Variants in RNF115 observed in about 807,000 individuals in gnomAD.
RNF115 encodes E3 ubiquitin-protein ligase RNF115.
RNF115 carries 31 observed loss-of-function variants against 39.2 expected under a neutral mutation model. The observed-to-expected ratio is 0.79, with a 90% confidence interval of 0.59 to 1.07. RNF115 has a LOEUF of 1.07. RNF115 is among the 50% of genes least tolerant of loss of function. The probability of loss-of-function intolerance (pLI) is 0.00; values close to 1 mark genes in which losing one functional copy is unlikely to be tolerated. For synonymous variants in RNF115, 124 were observed against 131.0 expected (o/e 0.95, Z 0.37); for missense variants, 384 against 381.7 (o/e 1.01, Z -0.05).
rs1486005247 is a variant in RNF115, at chr1:145,766,914, C to T, written c.428+4797G>A. Among the ~76,000 whole-genome samples the T allele has an allele frequency of 4.3e-4, 36 of 83,188 alleles. 3 individuals carry two copies. The highest frequency in any genetic ancestry group is 1.3e-3 in the African/African-American group (27 of 20,356). 54.6% of individuals were successfully genotyped at this position (83,188 alleles called of 152,430 possible). A position where few individuals can be genotyped will look rare whatever the true frequency, so the allele number is the denominator to read the frequency against. The stretch of plus-strand genomic sequence containing the variant: ...GCAGAGGCGCCCCTCACCTCCCGGA[C>T]GGGGCGGCTGGCCGGGCGGGGGGCT... On this transcript the variant is annotated intron_variant, in intron 4 of 8. Transcript: ENST00000582693.
intron 1 of RNF115, among the ~76,000 whole-genome samples, chr1:145,795,620 T>TAG (rs1470962753): frequency 2.6e-5 from 4 of 152,110 alleles, no homozygotes; most frequent in Non-Finnish European, 2.9e-5. Flanking sequence ...TCAGCGGGCT[T>TAG]CACCTCTCAG....
chr1:145,819,613 C>T (rs1650146448), intron 1 of RNF115, among the ~76,000 whole-genome samples: 1 of 152,190 alleles, frequency 6.6e-6, no homozygotes, highest in Non-Finnish European at 1.5e-5. Context: ...TTCCATGAGG[C>T]CAGCAGCATT....
chr1:145,793,095 G>A (rs1224946695), intron 1 of RNF115, among the ~76,000 whole-genome samples: 1 of 152,230 alleles, frequency 6.6e-6, no homozygotes, highest in Admixed American at 6.5e-5. Flanking sequence ...GAGGCAGGAA[G>A]ATTGCTAGAG....
rs587660344 is a variant in RNF115 at position 145,809,286 on chromosome 1, A to C, written c.102+14486T>G. Among the ~76,000 whole-genome samples the C allele has an allele frequency of 1.5e-4, 22 of 150,388 alleles. 1 individual carries two copies. In the South Asian group the frequency reaches 1.9e-3, roughly 13 times the overall value. On this transcript the variant is annotated intron_variant, in intron 1 of 8. Transcript: ENST00000582693. ...ACTGCAACCTCCACCTCCTGGGTTC[A>C]AGTGGTTATCCTCCCTCAGCCTCCC...
At chr1:145,777,108 C>T (rs1647921265) in intron 3 of RNF115, among the ~76,000 whole-genome samples, 1 of 152,184 alleles carries the variant, frequency 6.6e-6, no homozygotes, top group Admixed American at 6.5e-5. Context: ...TCCATGTTCT[C>T]AATCATCTAT....
intron 5 of RNF115, among the ~76,000 whole-genome samples, chr1:145,751,901 C>A (rs587757871): frequency 3.3e-5 from 5 of 152,292 alleles, no homozygotes; most frequent in African/African-American, 1.2e-4. Flanking sequence ...CAGCAAACAT[C>A]CCTCATTATA....
chr1:145,794,033 G>A (rs587607303), intron 1 of RNF115, among the ~76,000 whole-genome samples: 5 of 152,024 alleles, frequency 3.3e-5, no homozygotes, highest in African/African-American at 9.6e-5. Flanking sequence ...TAGTAGAGAC[G>A]GTGTTTCGCC....
intron 3 of RNF115, 60 bp downstream of exon 3, chr1:145,784,479 G>T: frequency 7.0e-7 from 1 of 1,428,992 alleles, no homozygotes; most frequent in Non-Finnish European, 9.9e-7. Flanking sequence ...GTTAGTATCT[G>T]CCATGATTTT....
At chr1:145,747,969 A>C (rs1657935844) in intron 8 of RNF115, 26 bp downstream of exon 8, 2 of 1,446,774 alleles carry the variant, frequency 1.4e-6, no homozygotes, top group Admixed American at 3.3e-5. Flanking sequence ...TCATCCCCCA[A>C]AGAAGCCATG....
intron 1 of RNF115, among the ~76,000 whole-genome samples, chr1:145,790,672 T>A (rs1170722362): frequency 6.6e-6 from 1 of 152,094 alleles, no homozygotes; most frequent in Non-Finnish European, 1.5e-5. Context: ...CCTCAGGTGA[T>A]CTGCCTGCCT....
chr1:145,766,615 G>A (rs1553714888), intron 4 of RNF115, among the ~76,000 whole-genome samples: 6 of 150,420 alleles, frequency 4.0e-5, no homozygotes, highest in African/African-American at 9.8e-5. Context: ...CGGCTGGCCG[G>A]GCGGGGGGCT....
At chr1:145,802,924 T>C (rs1297305102) in intron 1 of RNF115, among the ~76,000 whole-genome samples, 2 of 152,182 alleles carry the variant, frequency 1.3e-5, no homozygotes, top group African/African-American at 4.8e-5. Context: ...AGCCAGGTTA[T>C]ACATCCTCCT....
intron 5 of RNF115, among the ~76,000 whole-genome samples, chr1:145,752,494 A>AT (rs1658122908): frequency 6.6e-6 from 1 of 151,902 alleles, no homozygotes; most frequent in Admixed American, 6.6e-5. Flanking sequence ...CTGAATAATA[A>AT]TAAAAAAAAA....
chr1:145,762,966 G>T (rs752147181), intron 4 of RNF115, among the ~76,000 whole-genome samples: 1 of 152,106 alleles, frequency 6.6e-6, no homozygotes, highest in Non-Finnish European at 1.5e-5. Context: ...GGTACACAAG[G>T]ACACAAAGTA....
intron 1 of RNF115, among the ~76,000 whole-genome samples, chr1:145,815,731 T>C (rs1260575404): frequency 6.0e-5 from 9 of 151,084 alleles, no homozygotes; most frequent in African/African-American, 2.2e-4. Flanking sequence ...ATTTATTCTA[T>C]AATCTGATGA....
At chr1:145,784,337 T>G (rs1449900777) in intron 3 of RNF115, among the ~76,000 whole-genome samples, 1 of 152,214 alleles carries the variant, frequency 6.6e-6, no homozygotes, top group African/African-American at 2.4e-5. Flanking sequence ...TACTTTCTCC[T>G]AATCAAGGGT....
In RNF115 at chr1:145,811,883, C is replaced by CAAA. The variant is rs67086842; in HGVS notation, c.102+11886_102+11888dup. On this transcript the variant is annotated intron_variant, in intron 1 of 8. Transcript: ENST00000582693. ...CCTGGTTGACAGAGATTCTGTCTCA[C>CAAA]AAAAAAAAAAAAAAAAAAAAAAAAA... Among the ~76,000 whole-genome samples, 90 of 35,854 alleles carry CAAA rather than the reference C, an allele frequency of 2.5e-3. 4 individuals carry two copies. Among genetic ancestry groups the CAAA allele is most frequent in the Non-Finnish European group, 3.6e-3 (54 of 15,016 alleles). The allele number at this position is 35,854 out of a possible 152,430, so 23.5% of individuals were successfully genotyped here.
At chr1:145,793,446 T>C (rs373902341) in intron 1 of RNF115, among the ~76,000 whole-genome samples, 9 of 152,152 alleles carry the variant, frequency 5.9e-5, no homozygotes, top group African/African-American at 1.7e-4. Context: ...ACAGAGTCAA[T>C]AGAAAAATGA....
At chr1:145,814,767 A>G (rs1417458093) in intron 1 of RNF115, among the ~76,000 whole-genome samples, 2 of 152,156 alleles carry the variant, frequency 1.3e-5, no homozygotes, top group Non-Finnish European at 2.9e-5. Flanking sequence ...TATCAGTAGA[A>G]TTACAAGGAT....
Sources: allele counts gnomAD v4.1 joint callset (sites outside exome capture counted in the v4.1 genomes callset), GRCh38; gene constraint gnomAD v4.1.1; transcripts MANE v1.5; gene names NCBI Gene and HGNC (gene_info 2026-07-23, HGNC 2026-07-21).